Variants in NKAIN2 observed in about 807,000 individuals in gnomAD.
NKAIN2 encodes sodium/potassium transporting ATPase interacting 2.
A neutral mutation model predicts 32.6 loss-of-function variants in NKAIN2; 14 were observed. The ratio of observed to expected loss-of-function variants is 0.43; its 90% CI spans 0.28 to 0.67. The LOEUF is 0.67. NKAIN2 is among the 30% of genes least tolerant of loss of function. The pLI is 0.17. For missense variants in NKAIN2, 198 were observed against 258.3 expected, an observed-to-expected ratio of 0.77 and a Z score of 1.60; for synonymous variants, 80 against 87.2, an observed-to-expected ratio of 0.92 and a Z score of 0.46.
chr6:124,663,216 G>C (rs1202693940), intron 4 of NKAIN2, among the ~76,000 whole-genome samples: 2 of 152,008 alleles, frequency 1.3e-5, no homozygotes, highest in Non-Finnish European at 2.9e-5. Context: ...CACGAGGTCA[G>C]GAGTTCGAGA....
intron 5 of NKAIN2, among the ~76,000 whole-genome samples, chr6:124,808,435 G>C (rs7774804): frequency 0.054 from 8,215 of 152,034 alleles, 269 homozygotes; most frequent in South Asian, 0.11. Flanking sequence ...ATTCAACAAC[G>C]CTTCATGCTA....
Position 123,829,842 on chromosome 6 carries a change from C to A in NKAIN2, c.54+25588C>A, listed in dbSNP as rs192247375. Among the ~76,000 whole-genome samples, 358 of 152,296 alleles carry A rather than the reference C, an allele frequency of 2.4e-3. 3 individuals are homozygous for A. The highest frequency in any genetic ancestry group is 6.8e-3 in the Middle Eastern group (2 of 294). ...TAAGCAAAGTAACTAACTAATCATG[C>A]AGACAAACAGACCAGTAAACCCTGG... On this transcript the variant is annotated intron_variant, in intron 1 of 6. Transcript: ENST00000368417.
rs954193692 is a variant in NKAIN2 at position 124,768,897 on chromosome 6, A to G, written c.475-22442A>G. ...AACACCATTTAAAAACCCATTTTAT[A>G]GTGTCACATTTACAAAGCTGTTTTG... On this transcript the variant is annotated intron_variant, in intron 4 of 6. Coordinates refer to ENST00000368417, the MANE Select transcript of NKAIN2 (RefSeq NM_001040214.3). Among the ~76,000 whole-genome samples, 6 of 152,190 alleles carry G rather than the reference A, an allele frequency of 3.9e-5. No homozygotes were observed. The East Asian group carries it at 7.7e-4, about 20-fold the overall frequency.
At chr6:124,687,483 A>G (rs1774005665) in intron 4 of NKAIN2, among the ~76,000 whole-genome samples, 2 of 96,264 alleles carry the variant, frequency 2.1e-5, no homozygotes, top group Non-Finnish European at 5.0e-5. Context: ...TGGAATATAT[A>G]TATTCCATAC....
At chr6:124,237,904 T>C (rs1165891297) in intron 1 of NKAIN2, among the ~76,000 whole-genome samples, 1 of 152,088 alleles carries the variant, frequency 6.6e-6, no homozygotes, top group Middle Eastern at 3.2e-3. Context: ...AGAAAGATGA[T>C]GTGATTTCTT....
chr6:124,365,806 C>T lies in NKAIN2; in HGVS notation c.273+10459C>T, dbSNP rs1799493457. On this transcript the variant is annotated intron_variant, in intron 3 of 6. Coordinates refer to ENST00000368417, the MANE Select transcript of NKAIN2 (RefSeq NM_001040214.3). ...TTTAGAATGATTTGCAATTATTCAG[C>T]AAGTATTGTCTGACAACTATAGAAT... Among the ~76,000 whole-genome samples the T allele has an allele frequency of 2.0e-5, 3 of 151,926 alleles. No homozygotes were observed. In the South Asian group the frequency reaches 6.2e-4, roughly 31 times the overall value.
intron 1 of NKAIN2, among the ~76,000 whole-genome samples, chr6:124,184,045 G>A (rs1388944889): frequency 6.6e-6 from 1 of 151,998 alleles, no homozygotes. Context: ...GTAAGAAATG[G>A]CCAGATGCTC....
intron 4 of NKAIN2, among the ~76,000 whole-genome samples, chr6:124,672,322 G>C (rs1276040061): frequency 6.6e-6 from 1 of 152,020 alleles, no homozygotes; most frequent in Non-Finnish European, 1.5e-5. Flanking sequence ...GTTGTCTACA[G>C]GAGTGTCCAA....
chr6:124,102,503 C>T (rs576552489), intron 1 of NKAIN2, among the ~76,000 whole-genome samples: 8 of 152,204 alleles, frequency 5.3e-5, no homozygotes, highest in South Asian at 4.2e-4. Context: ...GTAAGTCGTT[C>T]GATGCCCCAA....
intron 3 of NKAIN2, among the ~76,000 whole-genome samples, chr6:124,552,567 T>TA (rs921872970): frequency 1.3e-5 from 2 of 152,138 alleles, no homozygotes; most frequent in Non-Finnish European, 2.9e-5. Context: ...TATAAAGGAA[T>TA]AAAAAAACTC....
At chr6:124,801,494 C>T (rs910681611) in intron 5 of NKAIN2, among the ~76,000 whole-genome samples, 2 of 152,114 alleles carry the variant, frequency 1.3e-5, no homozygotes, top group Non-Finnish European at 2.9e-5. Flanking sequence ...TGTCAAGATT[C>T]GAAGTATACT....
chr6:124,611,219 C>T (rs1782676468), intron 3 of NKAIN2, among the ~76,000 whole-genome samples: 1 of 151,922 alleles, frequency 6.6e-6, no homozygotes, highest in Admixed American at 6.6e-5. Flanking sequence ...GATGTTAAAG[C>T]ATCAGGGTTA....
At chr6:124,490,419 T>TTG (rs1562217667) in intron 3 of NKAIN2, 3 of 413,614 alleles carry the variant, frequency 7.3e-6, no homozygotes, top group African/African-American at 4.2e-5. Context: ...GAGGTTTTTT[T>TTG]TTTTTTTTTT....
intron 3 of NKAIN2, among the ~76,000 whole-genome samples, chr6:124,517,541 C>G (rs990465942): frequency 6.6e-6 from 1 of 152,036 alleles, no homozygotes; most frequent in Non-Finnish European, 1.5e-5. Context: ...AGACACAGAC[C>G]CTTCGAGGCA....
intron 1 of NKAIN2, among the ~76,000 whole-genome samples, chr6:124,087,371 G>A (rs936044004): frequency 6.6e-6 from 1 of 151,868 alleles, no homozygotes; most frequent in African/African-American, 2.4e-5. Context: ...AAAAAGGCAA[G>A]GATGTCCTCT....
chr6:124,107,722 C>A (rs1785187025), intron 1 of NKAIN2, among the ~76,000 whole-genome samples: 1 of 152,110 alleles, frequency 6.6e-6, no homozygotes. Flanking sequence ...CAGCCTCCAG[C>A]AACCACCATT....
At chr6:124,312,765 T>C (rs968068701) in intron 2 of NKAIN2, among the ~76,000 whole-genome samples, 2 of 152,194 alleles carry the variant, frequency 1.3e-5, no homozygotes, top group African/African-American at 4.8e-5. Context: ...CTAATGCTAA[T>C]AGACTGAGTG....
intron 1 of NKAIN2, among the ~76,000 whole-genome samples, chr6:124,238,169 A>C (rs1376183467): frequency 6.6e-6 from 1 of 151,998 alleles, no homozygotes; most frequent in African/African-American, 2.4e-5. Context: ...AAGGTTAGCC[A>C]GGGGGGAAGA....
intron 3 of NKAIN2, among the ~76,000 whole-genome samples, chr6:124,406,328 T>C (rs1236791632): frequency 6.6e-6 from 1 of 152,152 alleles, no homozygotes; most frequent in Non-Finnish European, 1.5e-5. Context: ...TTAAATAAAT[T>C]GATCATACAA....
Sources: allele counts gnomAD v4.1 joint callset (sites outside exome capture counted in the v4.1 genomes callset), GRCh38; gene constraint gnomAD v4.1.1; transcripts MANE v1.5; gene names NCBI Gene and HGNC (gene_info 2026-07-23, HGNC 2026-07-21).